Variants in MBNL2 observed in about 807,000 individuals in gnomAD.
MBNL2 encodes the protein muscleblind like splicing regulator 2.
In MBNL2, 17 loss-of-function variants were observed where a neutral mutation model predicts 41.9. The observed-to-expected ratio is 0.41, with a 90% CI of 0.28 to 0.61. The LOEUF (loss-of-function observed/expected upper bound fraction) is 0.61. Among genes scored for constraint, MBNL2 ranks in the 20% least tolerant of loss-of-function variants. The pLI is 0.35. For missense variants in MBNL2, 336 were observed against 505.6 expected (o/e 0.66, Z 3.22); for synonymous variants, 195 against 182.9 (o/e 1.07, Z -0.53).
At position 97,237,251 on chromosome 13, in the gene MBNL2, C is replaced by T. The variant is rs987893375; in HGVS notation, c.-605+14720C>T. Among the ~76,000 whole-genome samples, 14 of 152,182 alleles carry T rather than the reference C, an allele frequency of 9.2e-5. No individual in the cohort carries two copies. In the East Asian group the frequency reaches 2.1e-3, roughly 23 times the overall value. On this transcript the variant is annotated intron_variant, in intron 1 of 8. Transcript: ENST00000679496. The stretch of plus-strand genomic sequence containing the variant: ...TGGTAAAACAATGGACCAGAATTGC[C>T]TTATGCATGGTGAGGGACCCTTTGT...
the MBNL2 span, among the ~76,000 whole-genome samples, chr13:97,148,061 T>C: frequency 6.6e-6 from 1 of 152,112 alleles, no homozygotes; most frequent in Non-Finnish European, 1.5e-5. Context: ...GTCGGCATGG[T>C]TAAGGATACA....
At chr13:97,264,195 T>G (rs1319763524) in intron 1 of MBNL2, among the ~76,000 whole-genome samples, 1 of 151,756 alleles carries the variant, frequency 6.6e-6, no homozygotes, top group Non-Finnish European at 1.5e-5. Context: ...GCCCAGCTAA[T>G]TTTTTGTATT....
At chr13:97,198,851 A>G in the MBNL2 span, among the ~76,000 whole-genome samples, 3 of 152,246 alleles carry the variant, frequency 2.0e-5, no homozygotes, top group Non-Finnish European at 4.4e-5. Flanking sequence ...CCAAGCCAGT[A>G]CTGTCTCTTG....
At chr13:97,380,852 C>A (rs928231758) in intron 8 of MBNL2, among the ~76,000 whole-genome samples, 1 of 152,116 alleles carries the variant, frequency 6.6e-6, no homozygotes, top group African/African-American at 2.4e-5. Flanking sequence ...TTCCTGAGGG[C>A]TTACTGGGGA....
intron 3 of MBNL2, among the ~76,000 whole-genome samples, chr13:97,342,644 T>C (rs2061526955): frequency 6.6e-6 from 1 of 152,196 alleles, no homozygotes; most frequent in Admixed American, 6.5e-5. Flanking sequence ...TTGAGAAACA[T>C]GTAGAATAAA....
intron 6 of MBNL2, 97 bp downstream of exon 6, chr13:97,356,946 A>G (rs1366865142): frequency 1.5e-6 from 1 of 664,752 alleles, no homozygotes; most frequent in African/African-American, 1.9e-5. Flanking sequence ...AACAATCATT[A>G]TTATTAATTT....
chr13:97,193,605 G>T, the MBNL2 span, among the ~76,000 whole-genome samples: 1 of 152,156 alleles, frequency 6.6e-6, no homozygotes, highest in Non-Finnish European at 1.5e-5. Flanking sequence ...TTGGGATTTT[G>T]TGGGGATTAA....
chr13:97,347,018 A>G lies in MBNL2; in HGVS notation c.755A>G (p.Asn252Ser), dbSNP rs2061936364. 2.5e-6 allele frequency: 4 copies of G among 1,612,840 alleles called. No individual in the cohort carries two copies. Among genetic ancestry groups the G allele is most frequent in the Non-Finnish European group, 3.4e-6 (4 of 1,179,354 alleles). The change falls in exon 5 of 9, where the codon AAC becomes AGC. Residue 252 changes from asparagine (N) to serine (S), a missense_variant. Asn to Ser is a conservative substitution (Grantham distance 46). Transcript: ENST00000679496. ...ATCAAAGCTGCGCAGCACCAAGCCA[A>G]CCAAGCTGCGGTGGCCGCCCAGGCA... ...AKIKAAQHQANQAAVAAQAAA... is the reference protein window; with the variant it reads ...AKIKAAQHQASQAAVAAQAAA...
intron 2 of MBNL2, among the ~76,000 whole-genome samples, chr13:97,321,452 T>C (rs1394430408): frequency 6.6e-6 from 1 of 152,186 alleles, no homozygotes; most frequent in Non-Finnish European, 1.5e-5. Context: ...CTCCATCGAG[T>C]GCATTATCAT....
chr13:97,312,987 A>G (rs9670641), intron 2 of MBNL2, among the ~76,000 whole-genome samples: 2,702 of 152,348 alleles, frequency 0.018, 88 homozygotes, highest in African/African-American at 0.062. Context: ...ACATGCAACC[A>G]TGTTCCCCTG....
intron 1 of MBNL2, among the ~76,000 whole-genome samples, chr13:97,233,394 T>A (rs2042739253): frequency 7.2e-6 from 1 of 138,754 alleles, no homozygotes; most frequent in Admixed American, 7.5e-5. Context: ...GGCTCTCTTT[T>A]TCTAGTGCTC....
intron 1 of MBNL2, among the ~76,000 whole-genome samples, chr13:97,225,573 G>C (rs551710269): frequency 6.6e-6 from 1 of 152,054 alleles, no homozygotes; most frequent in Admixed American, 6.6e-5. Flanking sequence ...GAGAAACCTG[G>C]CAACTCTAGG....
chr13:97,221,264 A>G (rs7991593), upstream of MBNL2, among the ~76,000 whole-genome samples: 382 of 151,920 alleles, frequency 2.5e-3, 2 homozygotes, highest in African/African-American at 8.0e-3. Flanking sequence ...TTTTTTTCTC[A>G]AAATGTGGTA....
At chr13:97,169,005 C>A in the MBNL2 span, among the ~76,000 whole-genome samples, 1 of 152,256 alleles carries the variant, frequency 6.6e-6, no homozygotes, top group Non-Finnish European at 1.5e-5. Context: ...GGAGCCTAGA[C>A]CTGCAGCTGT....
At chr13:97,310,470 C>T (rs1009153106) in intron 2 of MBNL2, among the ~76,000 whole-genome samples, 31 of 150,206 alleles carry the variant, frequency 2.1e-4, no homozygotes, top group Non-Finnish European at 4.4e-4. Flanking sequence ...CACTCTGTTG[C>T]CCAGGCTGGA....
chr13:97,254,561 C>G (rs989650547), intron 1 of MBNL2, among the ~76,000 whole-genome samples: 2 of 152,124 alleles, frequency 1.3e-5, no homozygotes, highest in Admixed American at 1.3e-4. Context: ...TTTTAGAAAT[C>G]TAAACATCTG....
chr13:97,326,998 C>T (rs544064848), intron 2 of MBNL2, among the ~76,000 whole-genome samples: 46 of 152,326 alleles, frequency 3.0e-4, no homozygotes, highest in African/African-American at 1.1e-3. Flanking sequence ...ACTCTAACCA[C>T]AGCCTTTATT....
the MBNL2 span, among the ~76,000 whole-genome samples, chr13:97,194,025 G>A: frequency 1.3e-5 from 2 of 152,106 alleles, no homozygotes; most frequent in Admixed American, 6.6e-5. Flanking sequence ...TTCTTCACTC[G>A]ACTTTGTGTA....
Position 97,357,758 on chromosome 13 carries a change from G to A in MBNL2, c.1012+123G>A, listed in dbSNP as rs533752239. On this transcript the variant is annotated intron_variant, in intron 7 of 8. Coordinates refer to ENST00000679496, the MANE Select transcript of MBNL2 (RefSeq NM_001382683.1). The stretch of plus-strand genomic sequence containing the variant: ...GGTATAATACAGTTTGAAATTCATC[G>A]TTGTCCTAGCTATCTAAATGTATTT... The A allele has an allele frequency of 1.1e-4, 103 of 945,836 alleles. No individual in the cohort carries two copies. In the South Asian group the frequency reaches 1.2e-3, roughly 11 times the overall value. The allele number at this position is 945,836 out of a possible 1,614,324, so 58.6% of individuals were successfully genotyped here.
Sources: allele counts gnomAD v4.1 joint callset (sites outside exome capture counted in the v4.1 genomes callset), GRCh38; gene constraint gnomAD v4.1.1; transcripts MANE v1.5; gene names NCBI Gene and HGNC (gene_info 2026-07-23, HGNC 2026-07-21).